SNX29: variants seen among roughly 807,000 people sequenced by gnomAD.
SNX29 encodes the protein sorting nexin-29.
In SNX29, 78 loss-of-function variants were observed where a neutral mutation model predicts 102.1. That is an observed-to-expected ratio of 0.76 (90% confidence interval 0.64 to 0.92). The LOEUF (loss-of-function observed/expected upper bound fraction) is 0.92. SNX29 is among the 40% of genes least tolerant of loss of function. The pLI is 0.00. For missense variants in SNX29, 1,280 were observed against 1,061.7 expected (o/e 1.21, Z -2.86); for synonymous variants, 580 against 414.5 (o/e 1.40, Z -4.85).
chr16:12,573,421 C>G lies in SNX29; in HGVS notation c.*4792C>G, dbSNP rs895389671. On this transcript the variant is annotated 3_prime_UTR_variant, in exon 21 of 21. Transcript: ENST00000566228. ...TTCTATAGAGAAGTGAAAAAGAAAT[C>G]TGGCTTCCTTAATAAGATAGTTGAG... is the stretch of plus-strand genomic sequence containing the variant. The G allele has an allele frequency of 8.9e-6, 2 of 223,682 alleles. No homozygotes were observed. The highest frequency in any genetic ancestry group is 6.5e-5 in the East Asian group (1 of 15,312). 13.9% of individuals were successfully genotyped at this position (223,682 alleles called of 1,614,324 possible). A position where few individuals can be genotyped will look rare whatever the true frequency, so the allele number is the denominator to read the frequency against.
At chr16:12,295,311 G>A (rs1180720517) in intron 15 of SNX29, among the ~76,000 whole-genome samples, 2 of 152,208 alleles carry the variant, frequency 1.3e-5, no homozygotes, top group Non-Finnish European at 2.9e-5. Context: ...CCCACCATGG[G>A]GCAGTGAAGC....
chr16:11,983,013 C>T (rs903865889), intron 1 of SNX29, among the ~76,000 whole-genome samples: 3 of 152,052 alleles, frequency 2.0e-5, no homozygotes, highest in South Asian at 4.1e-4. Flanking sequence ...TCACTGCAAC[C>T]TCTGCCTCCT....
chr16:12,372,994 C>T (rs1205042664), intron 16 of SNX29: 1 of 152,152 alleles, frequency 6.6e-6, no homozygotes, highest in African/African-American at 2.4e-5. Context: ...CTCATGTCTC[C>T]ATTTTAGAGA....
At chr16:12,118,991 T>C (rs1052096083) in intron 11 of SNX29, among the ~76,000 whole-genome samples, 3 of 152,224 alleles carry the variant, frequency 2.0e-5, no homozygotes, top group Non-Finnish European at 4.4e-5. Context: ...ACCTTGACAT[T>C]TCCAAGCTGC....
chr16:12,568,689 A>G lies in SNX29; in HGVS notation c.*60A>G. On this transcript the variant is annotated 3_prime_UTR_variant, in exon 21 of 21. Transcript: ENST00000566228. ...GGCACCAGCTGCGTCCACCCCAGCC[A>G]CTGCCGCTGGCCCCTCACCTCAGCG... is the stretch of plus-strand genomic sequence containing the variant. 1 of 1,580,238 alleles carries G rather than the reference A, an allele frequency of 6.3e-7. No individual in the cohort carries two copies. The highest frequency in any genetic ancestry group is 8.6e-7 in the Non-Finnish European group (1 of 1,168,580).
At chr16:12,196,384 C>G (rs976881493) in intron 13 of SNX29, among the ~76,000 whole-genome samples, 7 of 150,558 alleles carry the variant, frequency 4.6e-5, no homozygotes, top group African/African-American at 1.5e-4. Context: ...TATTAAGTGC[C>G]CTACTCAGAG....
At chr16:12,468,716 A>T (rs1597489355) in intron 18 of SNX29, among the ~76,000 whole-genome samples, 1 of 152,226 alleles carries the variant, frequency 6.6e-6, no homozygotes, top group South Asian at 2.1e-4. Context: ...AGCTTGGTAT[A>T]CAACAGGCCA....
chr16:12,508,695 G>C (rs542150327), intron 19 of SNX29, among the ~76,000 whole-genome samples: 49 of 152,298 alleles, frequency 3.2e-4, no homozygotes, highest in Middle Eastern at 3.4e-3. Context: ...TTGCAGTATG[G>C]AATTGTCTTT....
intron 14 of SNX29, among the ~76,000 whole-genome samples, chr16:12,227,426 G>C (rs2077644455): frequency 6.6e-6 from 1 of 152,166 alleles, no homozygotes; most frequent in South Asian, 2.1e-4. Context: ...TTAACTGCCT[G>C]GAATTCTTCA....
intron 9 of SNX29, among the ~76,000 whole-genome samples, chr16:12,063,290 G>T (rs2050856654): frequency 6.6e-6 from 1 of 150,778 alleles, no homozygotes; most frequent in African/African-American, 2.4e-5. Flanking sequence ...ACTTGGTGGG[G>T]TGCTGTCATC....
intron 13 of SNX29, among the ~76,000 whole-genome samples, chr16:12,184,171 A>G (rs1042081805): frequency 6.6e-6 from 1 of 152,156 alleles, no homozygotes; most frequent in Non-Finnish European, 1.5e-5. Context: ...CTTTTCTGTA[A>G]TAGTATTATG....
At chr16:12,551,469 C>T (rs2077972507) in intron 20 of SNX29, among the ~76,000 whole-genome samples, 2 of 152,190 alleles carry the variant, frequency 1.3e-5, no homozygotes, top group African/African-American at 2.4e-5. Flanking sequence ...AGAGGCCAGG[C>T]CCTGCCTGGT....
intron 20 of SNX29, among the ~76,000 whole-genome samples, chr16:12,541,076 G>C (rs1375721905): frequency 2.0e-5 from 3 of 152,188 alleles, no homozygotes; most frequent in Non-Finnish European, 4.4e-5. Context: ...TTATTGACTA[G>C]CTGCCTCATG....
intron 14 of SNX29, among the ~76,000 whole-genome samples, chr16:12,263,089 T>C (rs1262592597): frequency 6.6e-6 from 1 of 152,024 alleles, no homozygotes; most frequent in Admixed American, 6.6e-5. Flanking sequence ...TTAACTGACA[T>C]TGTTATTATT....
chr16:12,476,421 T>TATATATATATATACATATATAC (rs1411211272), intron 18 of SNX29, among the ~76,000 whole-genome samples: 5 of 51,976 alleles, frequency 9.6e-5, no homozygotes, highest in Non-Finnish European at 1.9e-4. Flanking sequence ...TACATATATA[T>TATATATATATATACATATATAC]ATATATATAT....
chr16:12,047,815 G>A (rs546314863), intron 6 of SNX29, among the ~76,000 whole-genome samples: 8 of 152,020 alleles, frequency 5.3e-5, no homozygotes, highest in Middle Eastern at 3.4e-3. Context: ...GCACCAACAC[G>A]CCTGGCTAAT....
In SNX29 at chr16:12,533,886, T is replaced by C. The variant is rs1373379191; in HGVS notation, c.2318+9045T>C. 2.0e-5 allele frequency among the ~76,000 whole-genome samples: 3 copies of C among 152,190 alleles called. No individual in the cohort carries two copies. The East Asian group carries it at 5.8e-4, about 29-fold the overall frequency. On this transcript the variant is annotated intron_variant, in intron 20 of 20. Coordinates refer to ENST00000566228, the MANE Select transcript of SNX29 (RefSeq NM_032167.5). ...AGCTGGATAGAAGTCCTTGACCTTT[T>C]CAAGACGTGGCAGAAATGCACATCT...
intron 13 of SNX29, among the ~76,000 whole-genome samples, chr16:12,148,008 C>G (rs529425841): frequency 6.6e-6 from 1 of 152,202 alleles, no homozygotes; most frequent in African/African-American, 2.4e-5. Flanking sequence ...CTGAGCAAAC[C>G]AGAGTTCGCT....
chr16:12,415,803 A>G (rs2084610576), intron 18 of SNX29, among the ~76,000 whole-genome samples: 1 of 152,094 alleles, frequency 6.6e-6, no homozygotes, highest in Non-Finnish European at 1.5e-5. Flanking sequence ...GTGCTCCCCA[A>G]CCCAGGCTGG....
Sources: allele counts gnomAD v4.1 joint callset (sites outside exome capture counted in the v4.1 genomes callset), GRCh38; gene constraint gnomAD v4.1.1; transcripts MANE v1.5; gene names NCBI Gene and HGNC (gene_info 2026-07-23, HGNC 2026-07-21).